CENPP: variants seen among roughly 807,000 people sequenced by gnomAD.
The protein encoded by CENPP is centromere protein P.
CENPP carries 24 observed loss-of-function variants against 35.6 expected under a neutral mutation model. That is an observed-to-expected ratio of 0.67 (90% CI 0.49 to 0.95). The LOEUF is 0.95. CENPP is among the 40% of genes least tolerant of loss of function. CENPP has a pLI of 0.00. For missense variants in CENPP, 332 were observed against 345.3 expected, an observed-to-expected ratio of 0.96 and a Z score of 0.31; for synonymous variants, 120 against 125.5, an observed-to-expected ratio of 0.96 and a Z score of 0.29.
At chr9:92,535,979 C>T (rs753874311) in intron 5 of CENPP, 17 of 512,026 alleles carry the variant, frequency 3.3e-5, no homozygotes, top group African/African-American at 2.3e-4. Context: ...ATTTAAGTCT[C>T]CAGCTGAAAA....
At position 92,497,457 on chromosome 9, in the gene CENPP, T is replaced by C. The variant is rs544038236; in HGVS notation, c.565-113857T>C. Among the ~76,000 whole-genome samples, 7 of 152,048 alleles carry C rather than the reference T, an allele frequency of 4.6e-5. No homozygotes were observed. The East Asian group carries it at 1.4e-3, about 29-fold the overall frequency. ...CTGACCAACATGGAGAAACCCCGTC[T>C]CTACTGAAAATACAAAATTAGCTGG... On this transcript the variant is annotated intron_variant, in intron 5 of 7. Transcript: ENST00000375587.
At chr9:92,329,206 C>T (rs1368070928) in intron 1 of CENPP, among the ~76,000 whole-genome samples, 4 of 120,388 alleles carry the variant, frequency 3.3e-5, no homozygotes, top group African/African-American at 9.8e-5. Context: ...TTTTTTGAGA[C>T]GGAGTTTCGC....
rs139177026 is a variant in CENPP at position 92,600,223 on chromosome 9, C to T, written c.565-11091C>T. The T allele has an allele frequency of 8.4e-3, 10,690 of 1,269,754 alleles. 71 individuals are homozygous for T. Among genetic ancestry groups the T allele is most frequent in the Middle Eastern group, 0.016 (56 of 3,416 alleles). The allele number at this position is 1,269,754 out of a possible 1,614,324, so 78.7% of individuals were successfully genotyped here. On this transcript the variant is annotated intron_variant, in intron 5 of 7. Coordinates refer to ENST00000375587, the MANE Select transcript of CENPP (RefSeq NM_001012267.3). ...TTTAGCTTGAGGTTCCATACAAGAA[C>T]AGAAGGGCGTGGGATCTGGCTTCTG...
chr9:92,344,766 C>G (rs1027196820), intron 3 of CENPP, among the ~76,000 whole-genome samples: 2 of 150,470 alleles, frequency 1.3e-5, no homozygotes, highest in African/African-American at 4.9e-5. Context: ...TCAGGATGGT[C>G]TCCAACTCCT....
intron 4 of CENPP, among the ~76,000 whole-genome samples, chr9:92,365,186 A>G (rs1841855499): frequency 6.6e-6 from 1 of 152,146 alleles, no homozygotes; most frequent in Non-Finnish European, 1.5e-5. Context: ...TATATTAGAT[A>G]TCGATAAGTG....
At chr9:92,454,686 AT>A (rs1368043757) in intron 5 of CENPP, among the ~76,000 whole-genome samples, 1 of 151,844 alleles carries the variant, frequency 6.6e-6, no homozygotes, top group Non-Finnish European at 1.5e-5. Context: ...TTGCATATAT[AT>A]TTTTATCATT....
chr9:92,492,447 T>C (rs553325039), intron 5 of CENPP, among the ~76,000 whole-genome samples: 2 of 152,362 alleles, frequency 1.3e-5, no homozygotes, highest in African/African-American at 4.8e-5. Flanking sequence ...ATATTTCAAC[T>C]GTACAACATT....
At chr9:92,494,546 T>A (rs142161573) in intron 5 of CENPP, among the ~76,000 whole-genome samples, 13 of 152,316 alleles carry the variant, frequency 8.5e-5, no homozygotes, top group African/African-American at 2.4e-4. Flanking sequence ...ATCTTCATAT[T>A]ATTATTGTTG....
chr9:92,401,625 A>G (rs1843114606), intron 5 of CENPP, among the ~76,000 whole-genome samples: 1 of 152,178 alleles, frequency 6.6e-6, no homozygotes, highest in Non-Finnish European at 1.5e-5. Flanking sequence ...TCACAAGTAT[A>G]AACTACCAAT....
chr9:92,614,320 G>A lies in CENPP; in HGVS notation c.*1171G>A, dbSNP rs1439890055. The A allele has an allele frequency of 6.6e-6, 1 of 152,520 alleles. No homozygotes were observed. Among genetic ancestry groups the A allele is most frequent in the East Asian group, 1.9e-4 (1 of 5,212 alleles). 9.4% of individuals were successfully genotyped at this position (152,520 alleles called of 1,614,324 possible). ...GCAACAGTGAACTCCCTTGGGTCAAGACAGTACTCAACGGCCACTACCTCC... is the reference window on the plus strand; with the variant it reads ...GCAACAGTGAACTCCCTTGGGTCAAAACAGTACTCAACGGCCACTACCTCC... On this transcript the variant is annotated 3_prime_UTR_variant, in exon 8 of 8. Coordinates refer to ENST00000375587, the MANE Select transcript of CENPP (RefSeq NM_001012267.3).
At chr9:92,612,491 G>C in intron 6 of CENPP, 32 bp from the exon 7 acceptor site, 1 of 1,541,434 alleles carries the variant, frequency 6.5e-7, no homozygotes, top group African/African-American at 1.4e-5. Flanking sequence ...ATTTCAAAAA[G>C]CACATAACGA....
intron 5 of CENPP, among the ~76,000 whole-genome samples, chr9:92,527,761 C>T (rs1328118337): frequency 2.0e-5 from 3 of 151,444 alleles, no homozygotes; most frequent in Non-Finnish European, 4.4e-5. Context: ...TTAGTAGAAA[C>T]CTACAATGGT....
At chr9:92,448,997 C>T (rs1410771968) in intron 5 of CENPP, among the ~76,000 whole-genome samples, 1 of 152,166 alleles carries the variant, frequency 6.6e-6, no homozygotes, top group Admixed American at 6.5e-5. Flanking sequence ...ATAATATTCT[C>T]ATTGATATAT....
intron 5 of CENPP, among the ~76,000 whole-genome samples, chr9:92,397,434 C>T (rs1225787521): frequency 6.6e-6 from 1 of 152,134 alleles, no homozygotes; most frequent in African/African-American, 2.4e-5. Context: ...CCAAGTGATG[C>T]TCCCACCTCA....
chr9:92,478,801 T>C (rs1845805885), intron 5 of CENPP, among the ~76,000 whole-genome samples: 1 of 152,116 alleles, frequency 6.6e-6, no homozygotes. Context: ...AAATGGGCTT[T>C]AGATTCCCAG....
rs1171658356 is a variant in CENPP at position 92,614,380 on chromosome 9, C to CCGTGCACTT, written c.*1233_*1241dup. Reference sequence around the variant, plus strand: ...AGAGCCTGCGGCTTGTCCGTGAGCTCCGTGCACTTCACCAAAGCCCCCATC... The same window carrying CCGTGCACTT: ...AGAGCCTGCGGCTTGTCCGTGAGCTCCGTGCACTTCGTGCACTTCACCAAAGCCCCCATC... On this transcript the variant is annotated 3_prime_UTR_variant, in exon 8 of 8. Transcript: ENST00000375587. 1 of 152,320 alleles carries CCGTGCACTT rather than the reference C, an allele frequency of 6.6e-6. No individual in the cohort carries two copies. Among genetic ancestry groups the CCGTGCACTT allele is most frequent in the African/African-American group, 2.4e-5 (1 of 41,468 alleles). The allele number at this position is 152,320 out of a possible 1,614,324, so 9.4% of individuals were successfully genotyped here. A position where few individuals can be genotyped will look rare whatever the true frequency, so the allele number is the denominator to read the frequency against.
intron 5 of CENPP, among the ~76,000 whole-genome samples, chr9:92,506,557 C>T (rs1026174090): frequency 6.6e-6 from 1 of 152,178 alleles, no homozygotes; most frequent in Admixed American, 6.5e-5. Context: ...ATTCAACCCC[C>T]TTCATGGGCA....
intron 5 of CENPP, among the ~76,000 whole-genome samples, chr9:92,558,206 TGAA>T (rs1409051735): frequency 6.6e-6 from 1 of 152,224 alleles, no homozygotes; most frequent in African/African-American, 2.4e-5. Flanking sequence ...TGGGGGATGC[TGAA>T]GAGCCTTGTT....
chr9:92,394,631 G>A (rs1452756381), intron 5 of CENPP, among the ~76,000 whole-genome samples: 2 of 151,558 alleles, frequency 1.3e-5, no homozygotes, highest in African/African-American at 2.4e-5. Flanking sequence ...TTGAGATGAA[G>A]TCTCGCTTCG....
Sources: gnomAD v4.1 joint callset for allele counts (sites outside exome capture counted in the v4.1 genomes callset) on GRCh38, gnomAD v4.1.1 for gene constraint, MANE v1.5 for transcripts, NCBI Gene and HGNC (gene_info 2026-07-23, HGNC 2026-07-21) for gene names.